SPPL3: variants seen among roughly 807,000 people sequenced by gnomAD.
SPPL3 encodes signal peptide peptidase like 3.
SPPL3 carries 5 observed loss-of-function variants against 42.4 expected under a neutral mutation model. The ratio of observed to expected loss-of-function variants is 0.12; its 90% confidence interval spans 0.06 to 0.25. SPPL3 has a LOEUF of 0.25. Ranked by LOEUF, SPPL3 falls within the 10% of genes least tolerant of loss-of-function variation. The pLI is 1.00. For synonymous variants in SPPL3, 195 were observed against 181.8 expected (o/e 1.07, Z -0.58); for missense variants, 235 against 489.0 (o/e 0.48, Z 4.90).
intron 1 of SPPL3, among the ~76,000 whole-genome samples, chr12:120,881,501 G>GA (rs946412921): frequency 1.2e-4 from 15 of 129,878 alleles, no homozygotes; most frequent in Non-Finnish European, 2.6e-4. Flanking sequence ...AGAAGAGAAG[G>GA]AAAAAAATTA....
At chr12:120,772,369 A>C (rs1161113487) in intron 6 of SPPL3, among the ~76,000 whole-genome samples, 1 of 152,126 alleles carries the variant, frequency 6.6e-6, no homozygotes, top group Admixed American at 6.5e-5. Context: ...AATGTCTCTC[A>C]ACTCACTCAT....
intron 10 of SPPL3, 82 bp downstream of exon 10, chr12:120,766,181 C>G (rs1868897082): frequency 1.8e-6 from 2 of 1,141,986 alleles, no homozygotes; most frequent in South Asian, 3.1e-5. Context: ...TAAGCAGAAT[C>G]ACCTCCAGCG....
At chr12:120,854,432 G>GT (rs1343613604) in intron 1 of SPPL3, among the ~76,000 whole-genome samples, 2 of 152,178 alleles carry the variant, frequency 1.3e-5, no homozygotes, top group African/African-American at 4.8e-5. Context: ...CAATGGAGAA[G>GT]TAAGCAAGCC....
intron 1 of SPPL3, among the ~76,000 whole-genome samples, chr12:120,814,429 T>C (rs1870798352): frequency 6.6e-6 from 1 of 152,198 alleles, no homozygotes; most frequent in South Asian, 2.1e-4. Context: ...CCAGATTATG[T>C]AGACAAGGCT....
chr12:120,836,166 T>C (rs1212991899), intron 1 of SPPL3, among the ~76,000 whole-genome samples: 1 of 151,996 alleles, frequency 6.6e-6, no homozygotes, highest in Non-Finnish European at 1.5e-5. Context: ...TCTGCTACTC[T>C]TCCCACCAAG....
chr12:120,769,025 G>T lies in SPPL3; in HGVS notation c.537C>A (p.Ala179=). ...CCTTGAGGCTCGGCAGGCGGACAAA[G>T]GCGATCATGGCGACACAGAGGCCCA... ...LAMGLCVAMI[A]FVRLPSLKVS... is the part of the protein sequence containing the mutation. Residue 179 remains alanine, a synonymous_variant, in exon 7 of 11, where the codon GCC becomes GCA. Transcript: ENST00000353487. 2 of 1,605,628 alleles carry T rather than the reference G, an allele frequency of 1.2e-6. No homozygotes were observed. The highest frequency in any genetic ancestry group is 2.3e-5 in the South Asian group (2 of 88,792).
At chr12:120,871,044 C>T (rs532228681) in intron 1 of SPPL3, among the ~76,000 whole-genome samples, 24 of 146,866 alleles carry the variant, frequency 1.6e-4, no homozygotes, top group African/African-American at 5.0e-4. Context: ...ACAGGAGAAT[C>T]GCTTGAACCC....
At chr12:120,794,126 C>A (rs565399377) in intron 2 of SPPL3, among the ~76,000 whole-genome samples, 1 of 152,100 alleles carries the variant, frequency 6.6e-6, no homozygotes, top group Non-Finnish European at 1.5e-5. Context: ...GCTTAATTGA[C>A]CCCTTTGTCA....
intron 9 of SPPL3, among the ~76,000 whole-genome samples, 153 bp downstream of exon 9, chr12:120,767,241 A>T (rs574446612): frequency 4.6e-5 from 7 of 152,276 alleles, no homozygotes; most frequent in African/African-American, 1.4e-4. Context: ...TACACAAAAC[A>T]CTTAGCATCT....
intron 1 of SPPL3, among the ~76,000 whole-genome samples, chr12:120,863,252 C>A (rs976698308): frequency 6.6e-6 from 1 of 151,808 alleles, no homozygotes; most frequent in Admixed American, 6.6e-5. Flanking sequence ...AGAGGCTAAG[C>A]CAGAAGAATC....
chr12:120,895,337 G>T (rs1172507386), intron 1 of SPPL3, among the ~76,000 whole-genome samples: 1 of 151,494 alleles, frequency 6.6e-6, no homozygotes, highest in Non-Finnish European at 1.5e-5. Context: ...TGAGGCAGGA[G>T]AATCGCTTGA....
At chr12:120,792,657 G>A (rs1439738136) in intron 2 of SPPL3, among the ~76,000 whole-genome samples, 5 of 136,598 alleles carry the variant, frequency 3.7e-5, no homozygotes, top group Admixed American at 8.0e-5. Flanking sequence ...CCAAGATTGC[G>A]CCACTGCACT....
At chr12:120,824,562 C>T (rs1592981049) in intron 1 of SPPL3, among the ~76,000 whole-genome samples, 1 of 152,316 alleles carries the variant, frequency 6.6e-6, no homozygotes, top group African/African-American at 2.4e-5. Flanking sequence ...CAAGGTCTCA[C>T]TCTGTCACCC....
chr12:120,865,738 G>A (rs1372000523), intron 1 of SPPL3, among the ~76,000 whole-genome samples: 1 of 152,196 alleles, frequency 6.6e-6, no homozygotes. Context: ...AGCTAGCCTG[G>A]AAGAATCACC....
chr12:120,807,960 T>G (rs1870555112), intron 2 of SPPL3, among the ~76,000 whole-genome samples: 1 of 152,078 alleles, frequency 6.6e-6, no homozygotes, highest in South Asian at 2.1e-4. Context: ...TTATAAAAGA[T>G]AAAAGGTTCT....
chr12:120,768,518 AGGGAG>A, intron 7 of SPPL3, 30 bp from the exon 8 acceptor site: 1 of 1,593,120 alleles, frequency 6.3e-7, no homozygotes, highest in Non-Finnish European at 8.6e-7. Context: ...CCTTTAACAG[AGGGAG>A]TTGGAAGCAA....
At position 120,769,037 on chromosome 12, in the gene SPPL3, G is replaced by T; in HGVS notation, c.525C>A (p.Val175=). Residue 175 remains valine (V), a synonymous_variant, in exon 7 of 11, where the codon GTC becomes GTA. Coordinates refer to ENST00000353487, the MANE Select transcript of SPPL3 (RefSeq NM_139015.5). ...GCAGGCGGACAAAGGCGATCATGGCGACACAGAGGCCCATGGCCAGTGCTG... is the reference window on the plus strand; with the variant it reads ...GCAGGCGGACAAAGGCGATCATGGCTACACAGAGGCCCATGGCCAGTGCTG... ...LMDALAMGLC[V]AMIAFVRLPS... is the part of the protein sequence containing the mutation. 1 of 1,606,786 alleles carries T rather than the reference G, an allele frequency of 6.2e-7. No homozygotes were observed. Among genetic ancestry groups the T allele is most frequent in the Non-Finnish European group, 8.5e-7 (1 of 1,177,376 alleles).
intron 1 of SPPL3, among the ~76,000 whole-genome samples, chr12:120,859,016 A>G (rs1475303956): frequency 6.6e-6 from 1 of 152,128 alleles, no homozygotes; most frequent in Non-Finnish European, 1.5e-5. Context: ...TATGTTTTCA[A>G]TTTTGTTCTG....
At chr12:120,787,770 A>G (rs1869771675) in intron 3 of SPPL3, among the ~76,000 whole-genome samples, 1 of 152,012 alleles carries the variant, frequency 6.6e-6, no homozygotes, top group African/African-American at 2.4e-5. Context: ...CCTAAATTTT[A>G]TATGCATTGA....
Sources: gnomAD v4.1 joint callset for allele counts (sites outside exome capture counted in the v4.1 genomes callset) on GRCh38, gnomAD v4.1.1 for gene constraint, MANE v1.5 for transcripts, NCBI Gene and HGNC (gene_info 2026-07-23, HGNC 2026-07-21) for gene names.